Variants in CCDC138 observed in about 807,000 individuals in gnomAD.
The protein encoded by CCDC138 is coiled-coil domain-containing protein 138.
A neutral mutation model predicts 82.3 loss-of-function variants in CCDC138; 66 were observed. The ratio of observed to expected loss-of-function variants is 0.80; its 90% CI spans 0.66 to 0.98. The LOEUF is 0.98. Ranked by LOEUF, CCDC138 falls within the 50% of genes least tolerant of loss-of-function variation. CCDC138 has a pLI of 0.00. For missense variants in CCDC138, 816 were observed against 758.9 expected, an observed-to-expected ratio of 1.08 and a Z score of -0.88; for synonymous variants, 297 against 265.4, an observed-to-expected ratio of 1.12 and a Z score of -1.16.
intron 10 of CCDC138, 72 bp downstream of exon 10, chr2:108,816,177 A>C: frequency 9.1e-7 from 1 of 1,099,666 alleles, no homozygotes; most frequent in South Asian, 1.5e-5. Flanking sequence ...AGGGCCAGGC[A>C]CAGTGGCTCA....
Position 108,846,746 on chromosome 2 carries a change from T to A in CCDC138, c.1332T>A (p.Thr444=), listed in dbSNP as rs1690552722. Residue 444 remains threonine (T), a synonymous_variant, in exon 12 of 15, where the codon ACT becomes ACA. Transcript: ENST00000295124. ...RQLDAGAQHS[T]MTSTLRRLGE... ...GTACATATTTTTAACAGCACTCGAC[T>A]ATGACATCAACATTGAGGAGATTGG... is the stretch of plus-strand genomic sequence containing the variant. 2 of 1,608,084 alleles carry A rather than the reference T, an allele frequency of 1.2e-6. No individual in the cohort carries two copies. Among genetic ancestry groups the A allele is most frequent in the Non-Finnish European group, 1.7e-6 (2 of 1,177,620 alleles).
chr2:108,846,816 AATTCTCC>A lies in CCDC138; in HGVS notation c.1404_1410del (p.Pro470IlefsTer20). ...AGTGGTAACTAAAGGAATTCAGGAT[AATTCTCC>A]ACAGCATTCTGTGGAGAATAAACCA... On this transcript the variant is annotated frameshift_variant, in exon 12 of 15. Transcript: ENST00000295124. LOFTEE classifies it high-confidence loss of function. 1 of 1,612,210 alleles carries A rather than the reference AATTCTCC, an allele frequency of 6.2e-7. No individual in the cohort carries two copies. The highest frequency in any genetic ancestry group is 1.3e-5 in the African/African-American group (1 of 75,018).
chr2:108,797,693 G>A (rs1001025971), intron 5 of CCDC138, among the ~76,000 whole-genome samples: 6 of 152,144 alleles, frequency 3.9e-5, no homozygotes, highest in Admixed American at 3.3e-4. Flanking sequence ...ATGTATATAT[G>A]TATTTTATGA....
At chr2:108,816,437 C>A (rs1049114483) in intron 10 of CCDC138, among the ~76,000 whole-genome samples, 1 of 152,040 alleles carries the variant, frequency 6.6e-6, no homozygotes, top group East Asian at 1.9e-4. Flanking sequence ...GGCAACAGAG[C>A]AAGACTCTGT....
At chr2:108,786,751 C>T, upstream of CCDC138, 1 of 1,382,796 alleles carries the variant, frequency 7.2e-7, no homozygotes, top group South Asian at 1.2e-5. Flanking sequence ...CGTCGTGACG[C>T]ACTGCGGCCG....
intron 13 of CCDC138, among the ~76,000 whole-genome samples, chr2:108,860,220 T>C (rs1234667432): frequency 6.6e-6 from 1 of 152,186 alleles, no homozygotes; most frequent in Non-Finnish European, 1.5e-5. Context: ...ACTGAAGTCA[T>C]GTTTCAGGTC....
At chr2:108,805,659 G>A (rs1352437559) in intron 7 of CCDC138, among the ~76,000 whole-genome samples, 6 of 152,004 alleles carry the variant, frequency 3.9e-5, no homozygotes, top group South Asian at 2.1e-4. Flanking sequence ...CCCAGGAGGC[G>A]GAGCTTGCAG....
At chr2:108,865,088 C>T (rs1036401575) in intron 13 of CCDC138, among the ~76,000 whole-genome samples, 3 of 152,062 alleles carry the variant, frequency 2.0e-5, no homozygotes, top group African/African-American at 7.2e-5. Context: ...CAAATACATA[C>T]ACATTTTTAC....
intron 13 of CCDC138, among the ~76,000 whole-genome samples, chr2:108,858,521 C>T (rs754410274): frequency 7.2e-5 from 11 of 152,240 alleles, no homozygotes; most frequent in Non-Finnish European, 1.6e-4. Flanking sequence ...AGAGCATTTA[C>T]TTGCTTGAAT....
chr2:108,830,533 G>A (rs916280064), intron 10 of CCDC138, among the ~76,000 whole-genome samples: 1 of 152,224 alleles, frequency 6.6e-6, no homozygotes, highest in African/African-American at 2.4e-5. Context: ...AGAAACCAAA[G>A]GCATGGCTCA....
chr2:108,881,881 C>T (rs1696301173), intron 1 of CCDC138, among the ~76,000 whole-genome samples: 1 of 152,148 alleles, frequency 6.6e-6, no homozygotes. Context: ...CGATGGCTCA[C>T]TCTTGTAACC....
intron 1 of CCDC138, chr2:108,882,591 G>A (rs1168297478): frequency 1.3e-5 from 2 of 152,212 alleles, no homozygotes; most frequent in Non-Finnish European, 2.9e-5. Context: ...AGACCCACTT[G>A]CTGTGTTATT....
chr2:108,834,989 C>G (rs1558699859), intron 10 of CCDC138, among the ~76,000 whole-genome samples: 1 of 152,220 alleles, frequency 6.6e-6, no homozygotes. Context: ...CAATTGAAGT[C>G]AAATGGATCT....
chr2:108,796,325 A>G (rs1031550066), intron 5 of CCDC138, among the ~76,000 whole-genome samples: 2 of 152,034 alleles, frequency 1.3e-5, no homozygotes, highest in African/African-American at 4.8e-5. Context: ...AAGTGCTGGG[A>G]TTACAGGCGT....
intron 9 of CCDC138, 70 bp downstream of exon 9, chr2:108,812,997 C>G (rs1376388053): frequency 7.7e-7 from 1 of 1,305,894 alleles, no homozygotes; most frequent in African/African-American, 1.5e-5. Flanking sequence ...CACCTGTAAT[C>G]CCAGCACTTT....
At chr2:108,855,713 A>G (rs1472716714) in intron 12 of CCDC138, among the ~76,000 whole-genome samples, 2 of 152,232 alleles carry the variant, frequency 1.3e-5, no homozygotes, top group Non-Finnish European at 2.9e-5. Flanking sequence ...ATAGTTTCAT[A>G]TGTATTTTCA....
At chr2:108,829,613 A>G (rs1048671885) in intron 10 of CCDC138, among the ~76,000 whole-genome samples, 3 of 152,130 alleles carry the variant, frequency 2.0e-5, no homozygotes, top group African/African-American at 7.2e-5. Context: ...CAGTGTGGTG[A>G]TGCACACCTG....
intron 13 of CCDC138, 76 bp from the exon 14 acceptor site, chr2:108,873,375 G>T (rs1377654082): frequency 8.9e-5 from 115 of 1,294,600 alleles, no homozygotes; most frequent in Non-Finnish European, 1.2e-4. Context: ...GCCTCACATA[G>T]TTCTGATTTT....
intron 7 of CCDC138, among the ~76,000 whole-genome samples, chr2:108,805,838 A>C (rs1192929347): frequency 6.6e-6 from 1 of 152,228 alleles, no homozygotes; most frequent in Admixed American, 6.5e-5. Flanking sequence ...TTTGGCAGAA[A>C]GATGTGAAAG....
Sources: allele counts gnomAD v4.1 joint callset (sites outside exome capture counted in the v4.1 genomes callset), GRCh38; gene constraint gnomAD v4.1.1; transcripts MANE v1.5; gene names NCBI Gene and HGNC (gene_info 2026-07-23, HGNC 2026-07-21).